The following TBCK variants were observed in gnomAD, a reference collection of about 807,000 sequenced individuals.
TBCK encodes the protein TBC1 domain containing kinase.
TBCK carries 99 observed loss-of-function variants against 113.4 expected under a neutral mutation model. The ratio of observed to expected loss-of-function variants is 0.87; its 90% CI spans 0.74 to 1.03. TBCK has a LOEUF of 1.03. TBCK is among the 50% of genes least tolerant of loss of function. The pLI, the probability that TBCK is intolerant of heterozygous loss-of-function variation, is 0.00. For synonymous variants in TBCK, 369 were observed against 370.8 expected (o/e 1.00, Z 0.05); for missense variants, 1,045 against 1,061.3 (o/e 0.98, Z 0.21).
chr4:106,098,184 A>C (rs930356598), intron 24 of TBCK, among the ~76,000 whole-genome samples: 1 of 152,072 alleles, frequency 6.6e-6, no homozygotes, highest in African/African-American at 2.4e-5. Context: ...AATCCTCTAC[A>C]CTAATGTTTT....
At chr4:106,247,987 T>C (rs544036103) in intron 9 of TBCK, 286 of 285,586 alleles carry the variant, frequency 1.0e-3, no homozygotes, top group Non-Finnish European at 1.6e-3. Flanking sequence ...TTAGTTAATA[T>C]TCTATTTAAA....
chr4:106,296,828 C>T (rs1766362065), intron 2 of TBCK, among the ~76,000 whole-genome samples: 1 of 151,664 alleles, frequency 6.6e-6, no homozygotes, highest in South Asian at 2.1e-4. Context: ...TTTAAAAGAA[C>T]ACTTAATGAG....
At chr4:106,251,737 A>T in intron 6 of TBCK, 129 bp downstream of exon 6, 1 of 807,400 alleles carries the variant, frequency 1.2e-6, no homozygotes, top group Non-Finnish European at 1.7e-6. Context: ...AAGTCAAATT[A>T]AGCCTTTTCT....
intron 24 of TBCK, among the ~76,000 whole-genome samples, chr4:106,108,838 T>C (rs1447915014): frequency 6.6e-6 from 1 of 152,160 alleles, no homozygotes; most frequent in Admixed American, 6.5e-5. Context: ...GATGACATGA[T>C]TCTATATCTA....
At chr4:106,243,099 AACATAT>A (rs1422218564) in intron 11 of TBCK, among the ~76,000 whole-genome samples, 2 of 152,072 alleles carry the variant, frequency 1.3e-5, no homozygotes, top group East Asian at 3.9e-4. Context: ...CATATACATA[AACATAT>A]ACATATGTGC....
chr4:106,074,175 A>G (rs541722251), intron 25 of TBCK, among the ~76,000 whole-genome samples: 2 of 152,276 alleles, frequency 1.3e-5, no homozygotes, highest in African/African-American at 4.8e-5. Flanking sequence ...AAATGCAGAA[A>G]TCACCTGTCT....
At chr4:106,151,805 T>C (rs1335500759) in intron 23 of TBCK, among the ~76,000 whole-genome samples, 1 of 152,032 alleles carries the variant, frequency 6.6e-6, no homozygotes, top group Non-Finnish European at 1.5e-5. Context: ...GGTCTTTCAC[T>C]TCTTTGGTTA....
rs144720816 is a variant in TBCK at position 106,227,016 on chromosome 4, C to T, written c.1774+3347G>A. ...AAAAAACAACTTCCACTACAAAATG[C>T]ACTCCTCCTTAATTAGAAAAAGTCA... On this transcript the variant is annotated intron_variant, in intron 19 of 25. Coordinates refer to ENST00000394708, the MANE Select transcript of TBCK (RefSeq NM_001163435.3). Among the ~76,000 whole-genome samples the T allele has an allele frequency of 6.3e-3, 955 of 152,158 alleles. 3 individuals are homozygous for T. The highest frequency in any genetic ancestry group is 0.037 in the Middle Eastern group (11 of 294).
chr4:106,176,575 C>T (rs776499189), intron 22 of TBCK, among the ~76,000 whole-genome samples: 2 of 151,976 alleles, frequency 1.3e-5, no homozygotes, highest in African/African-American at 4.8e-5. Flanking sequence ...TTTATTCATT[C>T]ATTCATTGAT....
Position 106,248,272 on chromosome 4 carries a change from T to C in TBCK, c.755A>G (p.Lys252Arg). The C allele has an allele frequency of 6.3e-7, 1 of 1,598,520 alleles. No homozygotes were observed. Among genetic ancestry groups the C allele is most frequent in the Non-Finnish European group, 8.5e-7 (1 of 1,172,568 alleles). Residue 252 changes from lysine (K) to arginine (R), a missense_variant, in exon 9 of 26, where the codon AAG becomes AGG. Transcript: ENST00000394708. ...CTTAGAAGGATGGAAGGTAAGGCAC[T>C]TATTCAAAAGATCTATCACAGTTTC... ...LPETVIDLLN[K>R]CLTFHPSKRP...
At chr4:106,101,863 A>C (rs1046113984) in intron 24 of TBCK, among the ~76,000 whole-genome samples, 1 of 152,234 alleles carries the variant, frequency 6.6e-6, no homozygotes, top group African/African-American at 2.4e-5. Context: ...ACAACTATTA[A>C]AGAAAACAAG....
intron 25 of TBCK, among the ~76,000 whole-genome samples, chr4:106,060,124 AG>A (rs1735874108): frequency 6.7e-6 from 1 of 148,582 alleles, no homozygotes; most frequent in African/African-American, 2.5e-5. Flanking sequence ...TAAAAGTGTA[AG>A]GTGAAGCAAC....
chr4:106,282,090 T>C (rs980987977), intron 3 of TBCK, among the ~76,000 whole-genome samples: 3 of 152,158 alleles, frequency 2.0e-5, no homozygotes, highest in African/African-American at 2.4e-5. Flanking sequence ...TTACTGGTTA[T>C]AGGTCTGTTC....
intron 23 of TBCK, among the ~76,000 whole-genome samples, chr4:106,117,482 A>T (rs1743663801): frequency 6.6e-6 from 1 of 152,222 alleles, no homozygotes; most frequent in Non-Finnish European, 1.5e-5. Context: ...CTTAACTGTG[A>T]AGGAGGTAAC....
intron 19 of TBCK, among the ~76,000 whole-genome samples, chr4:106,217,336 C>T (rs924833022): frequency 6.6e-6 from 1 of 152,106 alleles, no homozygotes; most frequent in Non-Finnish European, 1.5e-5. Context: ...CTCACCACTC[C>T]TATTCAACAT....
At chr4:106,052,981 A>G (rs191550149) in intron 25 of TBCK, among the ~76,000 whole-genome samples, 45 of 151,732 alleles carry the variant, frequency 3.0e-4, no homozygotes, top group African/African-American at 1.1e-3. Flanking sequence ...TACCCATAGT[A>G]CTATCACACC....
chr4:106,196,483 A>G (rs890836126), intron 20 of TBCK, among the ~76,000 whole-genome samples: 4 of 152,014 alleles, frequency 2.6e-5, no homozygotes, highest in African/African-American at 4.8e-5. Context: ...AAAGGTGCAT[A>G]TTGTCTTTGC....
chr4:106,292,937 T>G (rs1765876413), intron 3 of TBCK, among the ~76,000 whole-genome samples: 2 of 152,198 alleles, frequency 1.3e-5, no homozygotes, highest in Non-Finnish European at 2.9e-5. Context: ...AAGTGAACAC[T>G]GGGATTTCTG....
intron 2 of TBCK, among the ~76,000 whole-genome samples, chr4:106,299,959 G>A (rs908434196): frequency 1.3e-5 from 2 of 152,182 alleles, no homozygotes; most frequent in African/African-American, 4.8e-5. Context: ...GGGCTTGGCT[G>A]TGTTCCCACC....
Sources: allele counts gnomAD v4.1 joint callset (sites outside exome capture counted in the v4.1 genomes callset), GRCh38; gene constraint gnomAD v4.1.1; transcripts MANE v1.5; gene names NCBI Gene and HGNC (gene_info 2026-07-23, HGNC 2026-07-21).